The following SH2D3A variants were observed in gnomAD, a reference collection of about 807,000 sequenced individuals.
The protein encoded by SH2D3A is SH2 domain-containing protein 3A.
A neutral mutation model predicts 50.6 loss-of-function variants in SH2D3A; 46 were observed. The ratio of observed to expected loss-of-function variants is 0.91; its 90% confidence interval spans 0.72 to 1.16. The LOEUF is 1.16. SH2D3A is among the 50% of genes most tolerant of loss of function. The probability of loss-of-function intolerance (pLI) is 0.00; values close to 1 mark genes in which losing one functional copy is unlikely to be tolerated. For missense variants in SH2D3A, 783 were observed against 786.2 expected, an observed-to-expected ratio of 1.00 and a Z score of 0.05; for synonymous variants, 377 against 348.4, an observed-to-expected ratio of 1.08 and a Z score of -0.91.
At chr19:6,754,199 T>C in intron 7 of SH2D3A, 36 bp from the exon 8 acceptor site, 1 of 1,608,422 alleles carries the variant, frequency 6.2e-7, no homozygotes, top group Non-Finnish European at 8.5e-7. Context: ...TCCTCTCCAG[T>C]CTTCCCAGTC....
Position 6,759,669 on chromosome 19 carries a change from C to A in SH2D3A, c.421G>T (p.Ala141Ser). The A allele has an allele frequency of 1.2e-6, 2 of 1,613,640 alleles. No individual in the cohort carries two copies. The highest frequency in any genetic ancestry group is 8.5e-7 in the Non-Finnish European group (1 of 1,179,720). ...DGPARIEPLRARKWSNSQPAD... is the reference protein window; with the variant it reads ...DGPARIEPLRSRKWSNSQPAD... Reference sequence around the variant, plus strand: ...GGCTGACTGTTGCTCCACTTCCTTGCCCTGGGGGACAGAAGTGGGAGAAAC... The same window carrying A: ...GGCTGACTGTTGCTCCACTTCCTTGACCTGGGGGACAGAAGTGGGAGAAAC... The change falls in exon 4 of 10, where the codon GCA becomes TCA. Residue 141 changes from alanine to serine, a missense_variant and splice_region_variant. Transcript: ENST00000245908.
At chr19:6,757,945 A>AAAAT (rs974512129) in intron 4 of SH2D3A, 16 of 152,314 alleles carry the variant, frequency 1.1e-4, no homozygotes, top group African/African-American at 3.8e-4. Flanking sequence ...CTCTATCTCA[A>AAAAT]AAATAAATAA....
intron 1 of SH2D3A, among the ~76,000 whole-genome samples, chr19:6,766,415 G>C (rs770856764): frequency 6.6e-6 from 1 of 152,170 alleles, no homozygotes; most frequent in Non-Finnish European, 1.5e-5. Context: ...ATTCGGGCAC[G>C]GAAGAGAAGA....
At chr19:6,754,570 G>C (rs1373001518) in intron 6 of SH2D3A, 46 bp downstream of exon 6, 1 of 1,610,560 alleles carries the variant, frequency 6.2e-7, no homozygotes, top group Non-Finnish European at 8.5e-7. Context: ...TTGGGAAGTG[G>C]GGGGAATTGG....
rs1354064970 is a variant in SH2D3A at position 6,754,117 on chromosome 19, G to A, written c.1319C>T (p.Thr440Met). 3.1e-6 allele frequency: 5 copies of A among 1,613,644 alleles called. No homozygotes were observed. The African/African-American group carries it at 4.0e-5, about 13-fold the overall frequency. ...CTGCTCAAAGGCCAGCGCAGCCTCC[G>A]TGTGGCTCCTTCGGAGCTGGCGCCA... Reference protein sequence around the residue: ...HTWRQLRRSHTEAALAFEQEL... With the variant: ...HTWRQLRRSHMEAALAFEQEL... Residue 440 changes from threonine to methionine, a missense_variant, in exon 8 of 10, where the codon ACG becomes ATG. By Grantham distance (81) the Thr-to-Met change is moderately conservative. Coordinates refer to ENST00000245908, the MANE Select transcript of SH2D3A (RefSeq NM_005490.3).
chr19:6,756,906 CTG>C (rs1969714307), intron 4 of SH2D3A, among the ~76,000 whole-genome samples: 1 of 152,088 alleles, frequency 6.6e-6, no homozygotes, highest in African/African-American at 2.4e-5. Context: ...GAGTCTCACT[CTG>C]TCACCAGGCT....
Position 6,755,169 on chromosome 19 carries a change from G to C in SH2D3A, c.643C>G (p.Arg215Gly), listed in dbSNP as rs745635320. 3 of 1,599,462 alleles carry C rather than the reference G, an allele frequency of 1.9e-6. No homozygotes were observed. Among genetic ancestry groups the C allele is most frequent in the Admixed American group, 3.4e-5 (2 of 58,974 alleles). ...LQAKAPTKPP[R>G]TPSFELPDAS... Reference sequence around the variant, plus strand: ...TCAGGCAGTTCGAAGGAGGGTGTCCGGGGGGGCTTCGTTGGTGCCTTGGCT... The same window carrying C: ...TCAGGCAGTTCGAAGGAGGGTGTCCCGGGGGGCTTCGTTGGTGCCTTGGCT... Residue 215 changes from arginine (R) to glycine (G), a missense_variant, in exon 5 of 10, where the codon CGG (arginine) becomes GGG (glycine). Transcript: ENST00000245908.
In SH2D3A at chr19:6,761,079, A is replaced by G; in HGVS notation, c.70-92T>C. The G allele has an allele frequency of 2.9e-6, 3 of 1,022,496 alleles. No homozygotes were observed. The East Asian group carries it at 7.9e-5, about 27-fold the overall frequency. 63.3% of individuals were successfully genotyped at this position (1,022,496 alleles called of 1,614,324 possible). A position where few individuals can be genotyped will look rare whatever the true frequency, so the allele number is the denominator to read the frequency against. ...CCCCCACCATTGCCCCCACCACCCAAGAAAAGCTACCCCAGTGAAACTTCT... is the reference window on the plus strand; with the variant it reads ...CCCCCACCATTGCCCCCACCACCCAGGAAAAGCTACCCCAGTGAAACTTCT... On this transcript the variant is annotated intron_variant, in intron 2 of 9. Coordinates refer to ENST00000245908, the MANE Select transcript of SH2D3A (RefSeq NM_005490.3).
rs1325078049 is a variant in SH2D3A at position 6,759,478 on chromosome 19, A to G, written c.496+116T>C. The G allele has an allele frequency of 1.6e-5, 14 of 878,328 alleles. No individual in the cohort carries two copies. The East Asian group carries it at 3.0e-4, about 19-fold the overall frequency. The allele number at this position is 878,328 out of a possible 1,614,324, so 54.4% of individuals were successfully genotyped here. Reference sequence around the variant, plus strand: ...GTTTTAAGTCATCGTGATTGTCATCATTTTCTAAAGCAAGAAATTGAGGCT... The same window carrying G: ...GTTTTAAGTCATCGTGATTGTCATCGTTTTCTAAAGCAAGAAATTGAGGCT... On this transcript the variant is annotated intron_variant, in intron 4 of 9. Transcript: ENST00000245908.
At chr19:6,766,540 A>C (rs1434917502) in intron 1 of SH2D3A, among the ~76,000 whole-genome samples, 2 of 152,170 alleles carry the variant, frequency 1.3e-5, no homozygotes, top group African/African-American at 2.4e-5. Context: ...GAGGGTGGGA[A>C]CCACCAGCAC....
At chr19:6,754,490 G>A (rs1449820943) in intron 6 of SH2D3A, 65 bp from the exon 7 acceptor site, 2 of 1,543,158 alleles carry the variant, frequency 1.3e-6, no homozygotes, top group Non-Finnish European at 1.7e-6. Flanking sequence ...GGTGAGGGGG[G>A]ACAGGAGGTG....
intron 3 of SH2D3A, among the ~76,000 whole-genome samples, 165 bp from the exon 4 acceptor site, chr19:6,759,835 G>A (rs996412291): frequency 6.6e-6 from 1 of 152,188 alleles, no homozygotes; most frequent in Admixed American, 6.6e-5. Context: ...ATCTTTAGTT[G>A]TCACAACTAG....
intron 1 of SH2D3A, among the ~76,000 whole-genome samples, chr19:6,764,844 T>C (rs1374912256): frequency 1.3e-5 from 2 of 150,802 alleles, no homozygotes; most frequent in African/African-American, 2.4e-5. Flanking sequence ...TAGCTGGGAC[T>C]ATGAGCGTGG....
intron 3 of SH2D3A, 53 bp from the exon 4 acceptor site, chr19:6,759,723 C>A: frequency 6.4e-7 from 1 of 1,556,882 alleles, no homozygotes; most frequent in South Asian, 1.1e-5. Flanking sequence ...CAGTGTCCCC[C>A]ACCAATATCT....
chr19:6,756,070 C>CAAA (rs779733546), intron 4 of SH2D3A, among the ~76,000 whole-genome samples: 1 of 96,910 alleles, frequency 1.0e-5, no homozygotes. Context: ...GACCCTGTCT[C>CAAA]AAAAAAAAAA....
chr19:6,762,291 C>T (rs1970067390), intron 2 of SH2D3A, among the ~76,000 whole-genome samples: 1 of 152,054 alleles, frequency 6.6e-6, no homozygotes, highest in South Asian at 2.1e-4. Flanking sequence ...TCAAGCGATT[C>T]TGCTGTCTCA....
intron 9 of SH2D3A, 80 bp from the exon 10 acceptor site, chr19:6,752,833 CCCCAGAGGA>C: frequency 7.0e-7 from 1 of 1,435,728 alleles, no homozygotes; most frequent in Middle Eastern, 2.5e-4. Context: ...ACCTTCCTTT[CCCCAGAGGA>C]CTTTGACCCA....
chr19:6,759,672 TG>T lies in SH2D3A; in HGVS notation c.420-3del. 1.2e-6 allele frequency: 2 copies of T among 1,613,570 alleles called. No individual in the cohort carries two copies. Among genetic ancestry groups the T allele is most frequent in the Non-Finnish European group, 1.7e-6 (2 of 1,179,652 alleles). On this transcript the variant is annotated splice_polypyrimidine_tract_variant and splice_region_variant and intron_variant, in intron 3 of 9. Coordinates refer to ENST00000245908, the MANE Select transcript of SH2D3A (RefSeq NM_005490.3). Reference sequence around the variant, plus strand: ...TGACTGTTGCTCCACTTCCTTGCCCTGGGGGACAGAAGTGGGAGAAACCTGT... The same window carrying T: ...TGACTGTTGCTCCACTTCCTTGCCCTGGGGACAGAAGTGGGAGAAACCTGT...
At chr19:6,761,785 CA>C (rs1293937777) in intron 2 of SH2D3A, among the ~76,000 whole-genome samples, 1 of 151,496 alleles carries the variant, frequency 6.6e-6, no homozygotes, top group African/African-American at 2.4e-5. Context: ...CTGTCTCTAC[CA>C]AAAAATATAA....
Sources: gnomAD v4.1 joint callset for allele counts (sites outside exome capture counted in the v4.1 genomes callset) on GRCh38, gnomAD v4.1.1 for gene constraint, MANE v1.5 for transcripts, NCBI Gene and HGNC (gene_info 2026-07-23, HGNC 2026-07-21) for gene names.